Variants in CHRNA6 observed in about 807,000 individuals in gnomAD.
The protein encoded by CHRNA6 is cholinergic receptor nicotinic alpha 6 subunit.
A neutral mutation model predicts 40.9 loss-of-function variants in CHRNA6; 31 were observed. That is an observed-to-expected ratio of 0.76 (90% CI 0.57 to 1.02). The LOEUF is 1.02. CHRNA6 is among the 50% of genes least tolerant of loss of function. The pLI, the probability that CHRNA6 is intolerant of heterozygous loss-of-function variation, is 0.00. For synonymous variants in CHRNA6, 222 were observed against 221.3 expected, an observed-to-expected ratio of 1.00 and a Z score of -0.03; for missense variants, 546 against 596.6, an observed-to-expected ratio of 0.92 and a Z score of 0.88.
At chr8:42,760,476 G>A (rs1049455684) in intron 2 of CHRNA6, among the ~76,000 whole-genome samples, 8 of 150,586 alleles carry the variant, frequency 5.3e-5, no homozygotes, top group Non-Finnish European at 1.0e-4. Flanking sequence ...ACACACTGGT[G>A]CATACTCACT....
chr8:42,758,053 A>C (rs1224469950), intron 3 of CHRNA6, among the ~76,000 whole-genome samples: 2 of 149,610 alleles, frequency 1.3e-5, no homozygotes, highest in Non-Finnish European at 3.0e-5. Flanking sequence ...CCAAAAAACA[A>C]AAAAAAAAAG....
intron 2 of CHRNA6, among the ~76,000 whole-genome samples, chr8:42,760,079 A>T (rs905195764): frequency 6.6e-6 from 1 of 152,232 alleles, no homozygotes; most frequent in East Asian, 1.9e-4. Context: ...TCCTGCCTTC[A>T]TGTGTCTTAG....
chr8:42,758,606 C>T (rs1010325716), intron 3 of CHRNA6, among the ~76,000 whole-genome samples: 2 of 152,150 alleles, frequency 1.3e-5, no homozygotes, highest in African/African-American at 2.4e-5. Context: ...TCAGGTGATC[C>T]GCCCACCTTG....
At chr8:42,762,305 A>C (rs1816914635) in intron 2 of CHRNA6, among the ~76,000 whole-genome samples, 1 of 152,224 alleles carries the variant, frequency 6.6e-6, no homozygotes, top group Non-Finnish European at 1.5e-5. Flanking sequence ...TATTTGTAAT[A>C]GACCAAAAAC....
intron 3 of CHRNA6, 92 bp downstream of exon 3, chr8:42,758,977 T>C: frequency 1.0e-6 from 1 of 1,003,868 alleles, no homozygotes; most frequent in African/African-American, 1.6e-5. Context: ...TAATATTTTA[T>C]ATTCTATAAC....
chr8:42,753,443 G>A, intron 5 of CHRNA6, 133 bp from the exon 6 acceptor site: 1 of 806,158 alleles, frequency 1.2e-6, no homozygotes, highest in Non-Finnish European at 2.0e-6. Flanking sequence ...TATCAGCTGG[G>A]TGGGAGGATC....
At chr8:42,760,224 C>T (rs945457808) in intron 2 of CHRNA6, among the ~76,000 whole-genome samples, 1 of 152,038 alleles carries the variant, frequency 6.6e-6, no homozygotes, top group African/African-American at 2.4e-5. Flanking sequence ...CACACACACG[C>T]ACACTCATAC....
chr8:42,758,724 C>T (rs1405294416), intron 3 of CHRNA6, among the ~76,000 whole-genome samples: 1 of 152,150 alleles, frequency 6.6e-6, no homozygotes, highest in Non-Finnish European at 1.5e-5. Flanking sequence ...ATCTCATGTA[C>T]ATGCTCCCAA....
chr8:42,756,549 T>C lies in CHRNA6; in HGVS notation c.650A>G (p.Asp217Gly), dbSNP rs1816804123. The part of the protein sequence containing the change: ...EIIDASGYKH[D>G]IKYNCCEEIY... ...CTCTTCACAACAGTTGTATTTGATG[T>C]CATGTTTGTAGCCAGAGGCATCAAT... The change falls in exon 5 of 6, where the codon GAC becomes GGC. Residue 217 changes from aspartate to glycine, a missense_variant. Around this residue, in one of 3 missense-constraint regions of CHRNA6, gnomAD observed 476 missense variants for 494.5 expected, o/e 0.96. Transcript: ENST00000276410. 6.2e-7 allele frequency: 1 copy of C among 1,613,962 alleles called. No individual in the cohort carries two copies. The highest frequency in any genetic ancestry group is 8.5e-7 in the Non-Finnish European group (1 of 1,180,020).
Position 42,756,356 on chromosome 8 carries a change from A to G in CHRNA6, c.843T>C (p.Ser281=). The G allele has an allele frequency of 6.2e-7, 1 of 1,614,256 alleles. No individual in the cohort carries two copies. Among genetic ancestry groups the G allele is most frequent in the South Asian group, 1.1e-5 (1 of 91,082 alleles). Residue 281 remains serine (S), a synonymous_variant, in exon 5 of 6, where the codon TCT becomes TCC. Coordinates refer to ENST00000276410, the MANE Select transcript of CHRNA6 (RefSeq NM_004198.3). ...KVTLCISVLL[S]LTVFLLVITE... is the part of the protein sequence containing the mutation. ...TGATGACCAGCAAAAACACAGTCAG[A>G]GAAAGCAGGACTGAAATACAAAGCG...
chr8:42,757,298 A>G (rs1302671828), intron 3 of CHRNA6, among the ~76,000 whole-genome samples: 1 of 151,812 alleles, frequency 6.6e-6, no homozygotes. Context: ...CGTGGGGGGC[A>G]GAGTTTGCAG....
At chr8:42,757,905 G>T (rs1816833430) in intron 3 of CHRNA6, among the ~76,000 whole-genome samples, 1 of 151,460 alleles carries the variant, frequency 6.6e-6, no homozygotes, top group Non-Finnish European at 1.5e-5. Context: ...CGTGGTGGCG[G>T]GCCCCTGTAG....
chr8:42,753,462 T>G, intron 5 of CHRNA6, 152 bp from the exon 6 acceptor site: 1 of 722,126 alleles, frequency 1.4e-6, no homozygotes, highest in Non-Finnish European at 2.3e-6. Flanking sequence ...TCATCTGAGG[T>G]CTGGAGTTCA....
At chr8:42,766,666 C>T (rs898015779) in intron 1 of CHRNA6, among the ~76,000 whole-genome samples, 7 of 152,190 alleles carry the variant, frequency 4.6e-5, no homozygotes, top group African/African-American at 1.7e-4. Flanking sequence ...CATGTTCTCA[C>T]TTGAAACGGG....
Position 42,765,142 on chromosome 8 carries a change from A to G in CHRNA6, c.142T>C (p.Phe48Leu). Reference sequence around the variant, plus strand: ...GAAACGTTTTCCACAGGCCTGATGAACTGGTTGTAATGAGAAAACAGTTTG... The same window carrying G: ...GAAACGTTTTCCACAGGCCTGATGAGCTGGTTGTAATGAGAAAACAGTTTG... Reference protein sequence around the residue: ...FHKLFSHYNQFIRPVENVSDP... With the variant: ...FHKLFSHYNQLIRPVENVSDP... Residue 48 changes from phenylalanine (F) to leucine (L), a missense_variant, in exon 2 of 6, where the codon TTC (phenylalanine) becomes CTC (leucine). By Grantham distance (22) the Phe-to-Leu change is conservative. This residue lies in a region of CHRNA6 where 476 missense variants were observed against 494.5 expected (regional missense o/e 0.96). Transcript: ENST00000276410. 7 of 1,614,138 alleles carry G rather than the reference A, an allele frequency of 4.3e-6. No homozygotes were observed. Among genetic ancestry groups the G allele is most frequent in the Non-Finnish European group, 5.9e-6 (7 of 1,179,986 alleles).
intron 1 of CHRNA6, among the ~76,000 whole-genome samples, chr8:42,767,259 G>A (rs118007685): frequency 0.034 from 5,122 of 152,214 alleles, 157 homozygotes; most frequent in Middle Eastern, 0.068. Flanking sequence ...GAGCCACCGC[G>A]CCCTGCCACT....
intron 5 of CHRNA6, 91 bp downstream of exon 5, chr8:42,755,755 A>C: frequency 1.4e-6 from 2 of 1,439,516 alleles, no homozygotes; most frequent in South Asian, 2.7e-5. Flanking sequence ...TCTCAGGAAC[A>C]AAAGTCACAC....
chr8:42,766,399 G>A (rs1816975619), intron 1 of CHRNA6, among the ~76,000 whole-genome samples: 2 of 152,148 alleles, frequency 1.3e-5, no homozygotes, highest in Non-Finnish European at 2.9e-5. Flanking sequence ...GGCTTAGGCA[G>A]GAGAATGGCA....
intron 2 of CHRNA6, among the ~76,000 whole-genome samples, chr8:42,759,772 C>T (rs1586426411): frequency 6.6e-6 from 1 of 151,836 alleles, no homozygotes; most frequent in African/African-American, 2.4e-5. Context: ...TGGTGGCGGG[C>T]GCCTGTAATC....
Sources: gnomAD v4.1 joint callset for allele counts (sites outside exome capture counted in the v4.1 genomes callset) on GRCh38, gnomAD v4.1.1 for gene constraint, gnomAD v4.1.1 regional missense constraint, MANE v1.5 for transcripts, NCBI Gene and HGNC (gene_info 2026-07-23, HGNC 2026-07-21) for gene names.